C6orf141: variants seen among roughly 807,000 people sequenced by gnomAD.
C6orf141 encodes chromosome 6 open reading frame 141, also known as uncharacterized protein C6orf141.
For missense variants in C6orf141, 361 were observed against 335.8 expected (o/e 1.07, Z -0.59); for synonymous variants, 164 against 140.5 (o/e 1.17, Z -1.18).
downstream of C6orf141, among the ~76,000 whole-genome samples, chr6:49,556,195 A>T (rs887925248): frequency 7.9e-5 from 12 of 152,204 alleles, no homozygotes; most frequent in African/African-American, 2.9e-4. Context: ...ATTCACATTA[A>T]AGTTTGAGAA....
At chr6:49,554,548 T>C (rs57397107), downstream of C6orf141, among the ~76,000 whole-genome samples, 1 of 1,734 alleles carries the variant, frequency 5.8e-4, no homozygotes, top group African/African-American at 6.7e-4. Context: ...GCCTGGCTAG[T>C]TTTTTTGTAT....
chr6:49,558,727 G>A (rs569029760), intron 4 of C6orf141, among the ~76,000 whole-genome samples: 316 of 151,636 alleles, frequency 2.1e-3, no homozygotes, highest in African/African-American at 7.4e-3. Flanking sequence ...GGGGGGTGCG[G>A]GATGGAGTCT....
At position 49,551,364 on chromosome 6, in the gene C6orf141, C is replaced by T. The variant is rs1320018920; in HGVS notation, c.572C>T (p.Thr191Ile). 1.9e-6 allele frequency: 3 copies of T among 1,551,702 alleles called. No homozygotes were observed. Among genetic ancestry groups the T allele is most frequent in the Admixed American group, 3.9e-5 (2 of 51,006 alleles). ...ACGAGGACTGAGGAGCACTTCGTGA[C>T]CGCGCTCACTTTTCGCAGCAGTAGA... is the stretch of plus-strand genomic sequence containing the variant. ...MTTRTEEHFV[T>I]ALTFRSSREG... The change falls in exon 1 of 1, where the codon ACC becomes ATC. Residue 191 changes from threonine to isoleucine, a missense_variant. Thr to Ile is a moderately conservative substitution (Grantham distance 89, BLOSUM62 -1). Coordinates refer to ENST00000529246, the MANE Select transcript of C6orf141 (RefSeq NM_001145652.2).
rs1324455704 is a variant in C6orf141 at position 49,550,803 on chromosome 6, C to CT, written c.15dup (p.Ala6CysfsTer77). 2.7e-6 allele frequency: 4 copies of CT among 1,463,156 alleles called. No homozygotes were observed. The East Asian group carries it at 1.0e-4, about 37-fold the overall frequency. The allele number at this position is 1,463,156 out of a possible 1,614,324, so 90.6% of individuals were successfully genotyped here. A position where few individuals can be genotyped will look rare whatever the true frequency, so the allele number is the denominator to read the frequency against. On this transcript the variant is annotated frameshift_variant and NMD_transcript_variant, in exon 1 of 5. Transcript: ENST00000371194. The stretch of plus-strand genomic sequence containing the variant: ...TCAAAGAAGGAACGAATGAATGACC[C>CT]TTTTGCCAGGATGGAGACCCGGGGG...
intron 4 of C6orf141, among the ~76,000 whole-genome samples, chr6:49,557,992 A>C (rs1308868370): frequency 6.6e-6 from 1 of 151,260 alleles, no homozygotes. Context: ...CCCGGGTTCA[A>C]GTGATTTTCC....
At chr6:49,555,680 T>C (rs565654981), downstream of C6orf141, among the ~76,000 whole-genome samples, 2 of 152,268 alleles carry the variant, frequency 1.3e-5, no homozygotes, top group African/African-American at 4.8e-5. Context: ...GGCTAATTTT[T>C]TGTATTTTTA....
downstream of C6orf141, chr6:49,555,304 A>G (rs1283653810): frequency 6.6e-6 from 1 of 152,204 alleles, no homozygotes; most frequent in Non-Finnish European, 1.5e-5. Context: ...TGAAAAAGAA[A>G]AAAACTTTTT....
rs550252232 is a variant in C6orf141, at chr6:49,551,410, C to T, written c.618C>T (p.Arg206=). 6.4e-7 allele frequency: 1 copy of T among 1,551,682 alleles called. No individual in the cohort carries two copies. The highest frequency in any genetic ancestry group is 1.4e-5 in the African/African-American group (1 of 73,178). Residue 206 remains arginine (R), a synonymous_variant, in exon 1 of 1, where the codon CGC becomes CGT. Coordinates refer to ENST00000529246, the MANE Select transcript of C6orf141 (RefSeq NM_001145652.2). ...GTAGAGAGGGACAGCCTGGGGAACGCTGGGGCCCTGCTGAATCCCGGGCTC... is the reference window on the plus strand; with the variant it reads ...GTAGAGAGGGACAGCCTGGGGAACGTTGGGGCCCTGCTGAATCCCGGGCTC... ...RSSREGQPGE[R]WGPAESRALQ... is the part of the protein sequence containing the mutation.
chr6:49,550,897 G>T lies in C6orf141; in HGVS notation c.105G>T (p.Glu35Asp). Residue 35 changes from glutamate to aspartate, a missense_variant, in exon 1 of 1, where the codon GAG becomes GAT. Coordinates refer to ENST00000529246, the MANE Select transcript of C6orf141 (RefSeq NM_001145652.2). Reference sequence around the variant, plus strand: ...GGGACCTCGGGCCTTTTCCGCGGGAGGTAGGGCGCGGGGCTCCGCTAGCTC... The same window carrying T: ...GGGACCTCGGGCCTTTTCCGCGGGATGTAGGGCGCGGGGCTCCGCTAGCTC... The part of the protein sequence containing the change: ...SLGDLGPFPR[E>D]VGRGAPLAPG... 2 of 1,527,546 alleles carry T rather than the reference G, an allele frequency of 1.3e-6. No homozygotes were observed. Among genetic ancestry groups the T allele is most frequent in the East Asian group, 4.9e-5 (2 of 40,680 alleles). 94.6% of individuals were successfully genotyped at this position (1,527,546 alleles called of 1,614,324 possible). A position where few individuals can be genotyped will look rare whatever the true frequency, so the allele number is the denominator to read the frequency against.
chr6:49,558,714 T>TG (rs971171096), intron 4 of C6orf141, among the ~76,000 whole-genome samples: 64 of 151,484 alleles, frequency 4.2e-4, no homozygotes, highest in African/African-American at 1.2e-3. Context: ...GTATTTTTTT[T>TG]GGGGGGGGTG....
At chr6:49,559,168 A>C (rs1312023867) in intron 4 of C6orf141, among the ~76,000 whole-genome samples, 1 of 170 alleles carries the variant, frequency 5.9e-3, no homozygotes, top group Admixed American at 0.062. Flanking sequence ...CATTGTCCAT[A>C]TATATATATA....
downstream of C6orf141, among the ~76,000 whole-genome samples, chr6:49,553,534 A>C (rs1771122487): frequency 6.6e-6 from 1 of 152,214 alleles, no homozygotes; most frequent in Non-Finnish European, 1.5e-5. Context: ...TTGAATCATC[A>C]CATGTCCCAG....
At chr6:49,558,459 C>A (rs938223273) in intron 4 of C6orf141, among the ~76,000 whole-genome samples, 7 of 151,096 alleles carry the variant, frequency 4.6e-5, no homozygotes, top group Non-Finnish European at 7.4e-5. Context: ...CTGACCAAGT[C>A]CTGACCTTTT....
At chr6:49,556,605 C>T (rs1581905816), downstream of C6orf141, among the ~76,000 whole-genome samples, 1 of 152,108 alleles carries the variant, frequency 6.6e-6, no homozygotes, top group Admixed American at 6.5e-5. Context: ...ACAATTGCAA[C>T]TCTGCAGGCT....
chr6:49,560,316 A>G (rs527443413), intron 4 of C6orf141, among the ~76,000 whole-genome samples: 2 of 152,008 alleles, frequency 1.3e-5, no homozygotes, highest in African/African-American at 4.8e-5. Context: ...CTCCATCTCA[A>G]AAAAAAAGAA....
intron 4 of C6orf141, among the ~76,000 whole-genome samples, chr6:49,559,848 A>G (rs1016555628): frequency 1.3e-5 from 2 of 152,166 alleles, no homozygotes; most frequent in Admixed American, 6.5e-5. Flanking sequence ...TTCTGTAAGG[A>G]TTCTCTAACT....
intron 4 of C6orf141, among the ~76,000 whole-genome samples, chr6:49,557,779 T>C (rs1230407124): frequency 6.6e-6 from 1 of 152,212 alleles, no homozygotes; most frequent in Non-Finnish European, 1.5e-5. Context: ...CAATGTCCCT[T>C]TTAACATTGT....
In C6orf141 at chr6:49,550,893, G is replaced by C. The variant is rs752005300; in HGVS notation, c.101G>C (p.Arg34Pro). ...CTGGGGGACCTCGGGCCTTTTCCGC[G>C]GGAGGTAGGGCGCGGGGCTCCGCTA... ...RSLGDLGPFP[R>P]EVGRGAPLAP... Residue 34 changes from arginine to proline, a missense_variant, in exon 1 of 1, where the codon CGG becomes CCG. By Grantham distance (103) the Arg-to-Pro change is moderately radical. Transcript: ENST00000529246. The C allele has an allele frequency of 3.3e-6, 5 of 1,522,700 alleles. No individual in the cohort carries two copies. In the African/African-American group the frequency reaches 5.6e-5, roughly 17 times the overall value. The allele number at this position is 1,522,700 out of a possible 1,614,324, so 94.3% of individuals were successfully genotyped here. A position where few individuals can be genotyped will look rare whatever the true frequency, so the allele number is the denominator to read the frequency against.
At chr6:49,559,376 T>C (rs986278543) in intron 4 of C6orf141, among the ~76,000 whole-genome samples, 1 of 151,856 alleles carries the variant, frequency 6.6e-6, no homozygotes, top group African/African-American at 2.4e-5. Flanking sequence ...ACATCCAGAA[T>C]GCAGCCTTGC....
Sources: allele counts gnomAD v4.1 joint callset (sites outside exome capture counted in the v4.1 genomes callset), GRCh38; gene constraint gnomAD v4.1.1; transcripts MANE v1.5; gene names NCBI Gene and HGNC (gene_info 2026-07-23, HGNC 2026-07-21).